Variants in PREB observed in about 807,000 individuals in gnomAD.
PREB encodes guanine nucleotide-exchange factor SEC12.
PREB carries 29 observed loss-of-function variants against 46.7 expected under a neutral mutation model. The observed-to-expected ratio is 0.62, with a 90% CI of 0.46 to 0.85. PREB has a LOEUF of 0.85. Among genes scored for constraint, PREB ranks in the 40% least tolerant of loss-of-function variants. PREB has a pLI of 0.00. For synonymous variants in PREB, 224 were observed against 220.1 expected, an observed-to-expected ratio of 1.02 and a Z score of -0.16; for missense variants, 494 against 528.4, an observed-to-expected ratio of 0.93 and a Z score of 0.64.
In PREB at chr2:27,131,496, A is replaced by G; in HGVS notation, c.1172T>C (p.Val391Ala). ...HLLPSRRSVP[V>A]WLLLLLCVGL... ...GACACACAGCAGGAGCAGGAGCCAC[A>G]CAGGAACACTCCCTGCAGGAGGGAA... Residue 391 changes from valine (V) to alanine (A), a missense_variant, in exon 9 of 9, where the codon GTG (valine) becomes GCG (alanine). Transcript: ENST00000260643. The G allele has an allele frequency of 6.3e-7, 1 of 1,588,362 alleles. No homozygotes were observed. Among genetic ancestry groups the G allele is most frequent in the Non-Finnish European group, 8.6e-7 (1 of 1,166,966 alleles).
rs766126423 is a variant in PREB at position 27,131,697 on chromosome 2, G to A, written c.1134C>T (p.Cys378=). 2 of 1,614,126 alleles carry A rather than the reference G, an allele frequency of 1.2e-6. No homozygotes were observed. The highest frequency in any genetic ancestry group is 1.7e-6 in the Non-Finnish European group (2 of 1,180,004). The change falls in exon 8 of 9, where the codon TGC becomes TGT. Residue 378 remains cysteine, a synonymous_variant. Transcript: ENST00000260643. ...GCCGTGAGGGCAACAGATGCAGCTG[G>A]CAACGACTGTCCACAGCCACAGAGA... ...ALFSVAVDSR[C]QLHLLPSRRS...
chr2:27,131,809 G>A lies in PREB; in HGVS notation c.1022C>T (p.Ala341Val). Residue 341 changes from alanine to valine, a missense_variant, in exon 8 of 9, where the codon GCC becomes GTC. Ala to Val is a moderately conservative substitution (Grantham distance 64). Transcript: ENST00000260643. The part of the protein sequence containing the change: ...SLQCLYYVRE[A>V]HGIVVTDVAF... Reference sequence around the variant, plus strand: ...CACATCCGTCACCACAATGCCATGGGCCTCCCTCACGTAGTAGAGGCACTG... The same window carrying A: ...CACATCCGTCACCACAATGCCATGGACCTCCCTCACGTAGTAGAGGCACTG... 4.3e-6 allele frequency: 7 copies of A among 1,614,148 alleles called. No individual in the cohort carries two copies. The highest frequency in any genetic ancestry group is 5.9e-6 in the Non-Finnish European group (7 of 1,180,020).
chr2:27,130,769 T>C lies in PREB; in HGVS notation c.*645A>G. The stretch of plus-strand genomic sequence containing the variant: ...ACAAGAGTACCATTTGGGGTCTCAG[T>C]TCACTCTTTCCTTGTTTATTAAATA... On this transcript the variant is annotated 3_prime_UTR_variant, in exon 9 of 9. Coordinates refer to ENST00000260643, the MANE Select transcript of PREB (RefSeq NM_013388.6). 6.2e-7 allele frequency: 1 copy of C among 1,604,974 alleles called. No individual in the cohort carries two copies.
At position 27,132,245 on chromosome 2, in the gene PREB, G is replaced by T; in HGVS notation, c.911C>A (p.Ser304Tyr). 1 of 1,614,204 alleles carries T rather than the reference G, an allele frequency of 6.2e-7. No homozygotes were observed. Among genetic ancestry groups the T allele is most frequent in the Admixed American group, 1.7e-5 (1 of 60,026 alleles). Residue 304 changes from serine to tyrosine, a missense_variant, in exon 6 of 9, where the codon TCC becomes TAC. Coordinates refer to ENST00000260643, the MANE Select transcript of PREB (RefSeq NM_013388.6). The surrounding 1 kb of genome is among the most constrained non-coding windows in gnomAD (Gnocchi z 4.0). ...RTKSCGHEVVSCLDVSESGTF... is the reference protein window; with the variant it reads ...RTKSCGHEVVYCLDVSESGTF... ...TGTCTCACACCTGACATCGAGGCAGGAGACGACTTCATGGCCACAGGACTT... is the reference window on the plus strand; with the variant it reads ...TGTCTCACACCTGACATCGAGGCAGTAGACGACTTCATGGCCACAGGACTT...
In PREB at chr2:27,133,513, T is replaced by C; in HGVS notation, c.325+19A>G. ...TCGTTCAACCCTTTCCCCAAGGGGG[T>C]AGAGAGGGAGCTCCTCACCGGCCTT... On this transcript the variant is annotated intron_variant, in intron 2 of 8. Coordinates refer to ENST00000260643, the MANE Select transcript of PREB (RefSeq NM_013388.6). 6.2e-7 allele frequency: 1 copy of C among 1,609,940 alleles called. No individual in the cohort carries two copies. The highest frequency in any genetic ancestry group is 8.5e-7 in the Non-Finnish European group (1 of 1,177,550).
In PREB at chr2:27,130,810, T is replaced by C; in HGVS notation, c.*604A>G. On this transcript the variant is annotated 3_prime_UTR_variant, in exon 9 of 9. Coordinates refer to ENST00000260643, the MANE Select transcript of PREB (RefSeq NM_013388.6). ...TTATTAAATATCAACTTTTCCTGCC[T>C]AATGGGCTGAGGTTCATTTTCCCAT... The C allele has an allele frequency of 6.5e-7, 1 of 1,541,892 alleles. No homozygotes were observed. The highest frequency in any genetic ancestry group is 1.7e-5 in the Admixed American group (1 of 58,356).
Position 27,132,912 on chromosome 2 carries a change from C to T in PREB, c.558G>A (p.Leu186=). 6.2e-7 allele frequency: 1 copy of T among 1,614,120 alleles called. No individual in the cohort carries two copies. The highest frequency in any genetic ancestry group is 2.2e-5 in the East Asian group (1 of 44,872). Residue 186 remains leucine, a synonymous_variant, in exon 4 of 9, where the codon CTG becomes CTA. Transcript: ENST00000260643. This position sits in a 1 kb window ranked among gnomAD's most constrained non-coding sequence, Gnocchi z 4.0. ...GYVRVWKVPS[L]EKVLEFKAHE... ...GGGCTTTGAACTCCAGAACCTTCTC[C>T]AGGCTGGGCACCTGTAGCCAAACAA...
In PREB at chr2:27,132,212, G is replaced by A; in HGVS notation, c.926+18C>T. 6.2e-7 allele frequency: 1 copy of A among 1,614,108 alleles called. No homozygotes were observed. Among genetic ancestry groups the A allele is most frequent in the Non-Finnish European group, 8.5e-7 (1 of 1,179,968 alleles). ...CCTCAGGGACCCCCTACCTAGCCAA[G>A]GCAGCAATGTCTCACACCTGACATC... On this transcript the variant is annotated intron_variant, in intron 6 of 8. Transcript: ENST00000260643. This position sits in a 1 kb window ranked among gnomAD's most constrained non-coding sequence, Gnocchi z 4.0.
At position 27,134,454 on chromosome 2, in the gene PREB, G is replaced by C. The variant is rs11542376; in HGVS notation, c.-33C>G. 1 of 1,506,846 alleles carries C rather than the reference G, an allele frequency of 6.6e-7. No homozygotes were observed. Among genetic ancestry groups the C allele is most frequent in the Non-Finnish European group, 8.8e-7 (1 of 1,135,806 alleles). 93.3% of individuals were successfully genotyped at this position (1,506,846 alleles called of 1,614,324 possible). On this transcript the variant is annotated 5_prime_UTR_variant, in exon 1 of 9. Transcript: ENST00000260643. ...GGCGCGCGTTCACTGCCCGCACCGC[G>C]GCACCCAGGACATGCCGCGCCGGGC... is the stretch of plus-strand genomic sequence containing the variant.
chr2:27,132,408 G>T lies in PREB; in HGVS notation c.753-5C>A. ...TGGTCTGGAACCTGCCCAAACCTGG[G>T]GGCCGGATGAGGGGCTATTCAGCTC... is the stretch of plus-strand genomic sequence containing the variant. On this transcript the variant is annotated splice_region_variant and splice_polypyrimidine_tract_variant and intron_variant, in intron 5 of 8. Transcript: ENST00000260643. The surrounding 1 kb of genome is among the most constrained non-coding windows in gnomAD (Gnocchi z 4.0). 1 of 1,609,290 alleles carries T rather than the reference G, an allele frequency of 6.2e-7. No individual in the cohort carries two copies. The highest frequency in any genetic ancestry group is 8.5e-7 in the Non-Finnish European group (1 of 1,178,392).
chr2:27,133,932 G>A, intron 1 of PREB: 1 of 624,334 alleles, frequency 1.6e-6, no homozygotes, highest in East Asian at 2.8e-5. Context: ...TGAAGCTCAG[G>A]AGAGGGAAGG....
At chr2:27,133,039 A>G (rs1672348867) in intron 3 of PREB, 78 bp downstream of exon 3, 2 of 1,585,476 alleles carry the variant, frequency 1.3e-6, no homozygotes, top group African/African-American at 1.3e-5. Flanking sequence ...CAAGTTTCCC[A>G]GATGCCACGT....
rs753950006 is a variant in PREB, at chr2:27,133,534, G to C, written c.323C>G (p.Ala108Gly). The C allele has an allele frequency of 6.2e-7, 1 of 1,612,884 alleles. No individual in the cohort carries two copies. The highest frequency in any genetic ancestry group is 8.5e-7 in the Non-Finnish European group (1 of 1,179,230). ...HQQQGNKAEK[A>G]GSKEQGPRQR... is the part of the protein sequence containing the mutation. ...GGGGTAGAGAGGGAGCTCCTCACCGGCCTTCTCTGCCTTGTTGCCCTGCTG... is the reference window on the plus strand; with the variant it reads ...GGGGTAGAGAGGGAGCTCCTCACCGCCCTTCTCTGCCTTGTTGCCCTGCTG... The change falls in exon 2 of 9, where the codon GCC becomes GGC. Residue 108 changes from alanine (A) to glycine (G), a missense_variant and splice_region_variant. By Grantham distance (60) the Ala-to-Gly change is moderately conservative. Transcript: ENST00000260643.
rs576059820 is a variant in PREB, at chr2:27,132,989, G to A, written c.547-66C>T. ...CAAGTACACTGTGACTGATGCCCACGCCACCCCTTCTAATGGCCCCTCAAT... is the reference window on the plus strand; with the variant it reads ...CAAGTACACTGTGACTGATGCCCACACCACCCCTTCTAATGGCCCCTCAAT... On this transcript the variant is annotated intron_variant, in intron 3 of 8. Transcript: ENST00000260643. This position sits in a 1 kb window ranked among gnomAD's most constrained non-coding sequence, Gnocchi z 4.0. 1.3e-4 allele frequency: 208 copies of A among 1,587,132 alleles called. No homozygotes were observed. Among genetic ancestry groups the A allele is most frequent in the Non-Finnish European group, 1.7e-4 (195 of 1,156,734 alleles).
Position 27,132,180 on chromosome 2 carries a change from C to T in PREB, c.926+50G>A. ...TAGGGACCCAGGCAGGACTCCTTTC[C>T]AAGCTCCCTCAGGGACCCCCTACCT... On this transcript the variant is annotated intron_variant, in intron 6 of 8. Coordinates refer to ENST00000260643, the MANE Select transcript of PREB (RefSeq NM_013388.6). The surrounding 1 kb of genome is among the most constrained non-coding windows in gnomAD (Gnocchi z 4.0). The T allele has an allele frequency of 6.2e-7, 1 of 1,612,210 alleles. No homozygotes were observed. The highest frequency in any genetic ancestry group is 8.5e-7 in the Non-Finnish European group (1 of 1,178,284).
rs756693836 is a variant in PREB at position 27,133,304 on chromosome 2, C to T, written c.359G>A (p.Gly120Glu). The change falls in exon 3 of 9, where the codon GGA becomes GAA. Residue 120 changes from glycine (G) to glutamate (E), a missense_variant. Physicochemically the swap from Gly to Glu is moderately conservative, Grantham distance 98 (BLOSUM62 -2). Coordinates refer to ENST00000260643, the MANE Select transcript of PREB (RefSeq NM_013388.6). ...SKEQGPRQRK[G>E]AAPAEKKCGA... is the part of the protein sequence containing the mutation. ...ACATTTCTTCTCTGCTGGGGCTGCT[C>T]CCTTCCTTTGTCGAGGCCCCTGCTC... is the stretch of plus-strand genomic sequence containing the variant. 1 of 1,614,184 alleles carries T rather than the reference C, an allele frequency of 6.2e-7. No individual in the cohort carries two copies. Among genetic ancestry groups the T allele is most frequent in the Non-Finnish European group, 8.5e-7 (1 of 1,180,042 alleles).
Position 27,131,824 on chromosome 2 carries a change from T to C in PREB, c.1007A>G (p.Tyr336Cys), listed in dbSNP as rs755160471. The change falls in exon 8 of 9, where the codon TAC becomes TGC. Residue 336 changes from tyrosine (Y) to cysteine (C), a missense_variant. By Grantham distance (194) the Tyr-to-Cys change is radical. Transcript: ENST00000260643. ...AATGCCATGGGCCTCCCTCACGTAG[T>C]AGAGGCACTGTGGGCAGAAGGAATA... ...IYIAFSLQCLYYVREAHGIVV... is the reference protein window; with the variant it reads ...IYIAFSLQCLCYVREAHGIVV... 36 of 1,613,782 alleles carry C rather than the reference T, an allele frequency of 2.2e-5. No individual in the cohort carries two copies. The highest frequency in any genetic ancestry group is 2.7e-5 in the Non-Finnish European group (32 of 1,179,896).
At position 27,131,754 on chromosome 2, in the gene PREB, T is replaced by C. The variant is rs1242433679; in HGVS notation, c.1077A>G (p.Pro359=). The C allele has an allele frequency of 1.9e-6, 3 of 1,614,116 alleles. No individual in the cohort carries two copies. The highest frequency in any genetic ancestry group is 4.5e-5 in the East Asian group (2 of 44,888). ...VAFLPEKGRG[P]ELLGSHETAL... ...CAGTTTCATGGGACCCAAGGAGCTCTGGACCACGACCCTTCTCAGGTAGAA... is the reference window on the plus strand; with the variant it reads ...CAGTTTCATGGGACCCAAGGAGCTCCGGACCACGACCCTTCTCAGGTAGAA... Residue 359 remains proline (P), a synonymous_variant, in exon 8 of 9, where the codon CCA becomes CCG. Coordinates refer to ENST00000260643, the MANE Select transcript of PREB (RefSeq NM_013388.6).
At position 27,132,479 on chromosome 2, in the gene PREB, C is replaced by T; in HGVS notation, c.753-76G>A. ...CTCAGAGGTTTGTGCACCACCTGCA[C>T]CCTGGTCAGACCTGGGGTAACACTC... is the stretch of plus-strand genomic sequence containing the variant. On this transcript the variant is annotated intron_variant, in intron 5 of 8. Coordinates refer to ENST00000260643, the MANE Select transcript of PREB (RefSeq NM_013388.6). The surrounding 1 kb of genome is among the most constrained non-coding windows in gnomAD (Gnocchi z 4.0). 11 of 1,589,808 alleles carry T rather than the reference C, an allele frequency of 6.9e-6. No individual in the cohort carries two copies. The highest frequency in any genetic ancestry group is 3.4e-6 in the Non-Finnish European group (4 of 1,166,496).
Sources: gnomAD v4.1 joint callset for allele counts on GRCh38, gnomAD v4.1.1 for gene constraint, Gnocchi (gnomAD v3.1) non-coding constraint, MANE v1.5 for transcripts, NCBI Gene and HGNC (gene_info 2026-07-23, HGNC 2026-07-21) for gene names.